The following RTN4RL1 variants were observed in gnomAD, a reference collection of about 807,000 sequenced individuals.
The protein encoded by RTN4RL1 is reticulon-4 receptor-like 1.
In RTN4RL1, 7 loss-of-function variants were observed where a neutral mutation model predicts 25.6. The observed-to-expected ratio is 0.27, with a 90% CI of 0.16 to 0.51. The LOEUF (loss-of-function observed/expected upper bound fraction) is 0.51, where lower values mean the gene tolerates loss of function less well. Ranked by LOEUF, RTN4RL1 falls within the 20% of genes least tolerant of loss-of-function variation. The probability of loss-of-function intolerance (pLI) is 0.97; values close to 1 mark genes in which losing one functional copy is unlikely to be tolerated. For synonymous variants in RTN4RL1, 297 were observed against 288.2 expected, an observed-to-expected ratio of 1.03 and a Z score of -0.31; for missense variants, 500 against 615.6, an observed-to-expected ratio of 0.81 and a Z score of 1.99.
chr17:2,014,987 A>G (rs2067101717), intron 1 of RTN4RL1, among the ~76,000 whole-genome samples: 2 of 152,156 alleles, frequency 1.3e-5, no homozygotes, highest in African/African-American at 4.8e-5. Flanking sequence ...GAAAAAGGGA[A>G]TCGCTGAAGG....
At chr17:2,010,977 C>A (rs753006819) in intron 1 of RTN4RL1, among the ~76,000 whole-genome samples, 1 of 152,156 alleles carries the variant, frequency 6.6e-6, no homozygotes, top group Admixed American at 6.5e-5. Flanking sequence ...GTCGGCCGGG[C>A]GCGGTAGCTC....
chr17:1,946,173 T>C (rs1329889547), intron 1 of RTN4RL1, among the ~76,000 whole-genome samples: 4 of 152,204 alleles, frequency 2.6e-5, no homozygotes, highest in Admixed American at 2.6e-4. Flanking sequence ...TGTGTGGGAC[T>C]TTCAGTGCTA....
At chr17:2,020,888 A>G (rs1380819350) in intron 1 of RTN4RL1, among the ~76,000 whole-genome samples, 1 of 152,236 alleles carries the variant, frequency 6.6e-6, no homozygotes, top group East Asian at 1.9e-4. Context: ...CCTTAAGTAG[A>G]GGCCACTTCT....
chr17:1,992,487 A>G (rs2066913850), intron 1 of RTN4RL1, among the ~76,000 whole-genome samples: 1 of 152,230 alleles, frequency 6.6e-6, no homozygotes, highest in Non-Finnish European at 1.5e-5. Context: ...AGTTGGGGCT[A>G]AGAGCATGTA....
chr17:1,982,316 G>A (rs1397032800), intron 1 of RTN4RL1, among the ~76,000 whole-genome samples: 1 of 142,744 alleles, frequency 7.0e-6, no homozygotes, highest in Non-Finnish European at 1.5e-5. Context: ...GAAAAGAGAA[G>A]AGAAGAGAAG....
At chr17:1,945,318 G>T (rs932206815) in intron 1 of RTN4RL1, among the ~76,000 whole-genome samples, 1 of 152,150 alleles carries the variant, frequency 6.6e-6, no homozygotes, top group Non-Finnish European at 1.5e-5. Flanking sequence ...CACCTCCCGG[G>T]TTCAAGCGAT....
intron 1 of RTN4RL1, among the ~76,000 whole-genome samples, chr17:1,980,230 ATTT>A (rs34130716): frequency 4.7e-5 from 6 of 126,388 alleles, no homozygotes; most frequent in Non-Finnish European, 6.5e-5. Context: ...CGCTCAGCTA[ATTT>A]TTTTTTTTTT....
At chr17:1,964,788 C>CTTTTTTTTTTTTTTTT (rs34138766) in intron 1 of RTN4RL1, among the ~76,000 whole-genome samples, 1 of 124,714 alleles carries the variant, frequency 8.0e-6, no homozygotes, top group African/African-American at 3.0e-5. Flanking sequence ...CTTTTCTTTT[C>CTTTTTTTTTTTTTTTT]TTTTTTTTTT....
chr17:2,016,602 G>T (rs1189092277), intron 1 of RTN4RL1, among the ~76,000 whole-genome samples: 1 of 152,256 alleles, frequency 6.6e-6, no homozygotes, highest in Non-Finnish European at 1.5e-5. Context: ...CAAAGCCAGG[G>T]TTGCATACAG....
At chr17:2,007,659 G>A (rs1421393112) in intron 1 of RTN4RL1, among the ~76,000 whole-genome samples, 1 of 152,190 alleles carries the variant, frequency 6.6e-6, no homozygotes, top group East Asian at 1.9e-4. Flanking sequence ...TTAAAACTGA[G>A]GCTTGGCTGG....
intron 1 of RTN4RL1, among the ~76,000 whole-genome samples, chr17:1,942,964 A>G (rs1442198774): frequency 1.3e-5 from 2 of 152,200 alleles, no homozygotes; most frequent in African/African-American, 4.8e-5. Flanking sequence ...ACCTCAGCTC[A>G]GCTGGGCTGG....
intron 1 of RTN4RL1, among the ~76,000 whole-genome samples, chr17:1,985,394 G>A (rs964563182): frequency 4.6e-5 from 7 of 152,148 alleles, no homozygotes; most frequent in East Asian, 1.9e-4. Flanking sequence ...CTCGCAAGCC[G>A]CCTGGCAGAT....
intron 1 of RTN4RL1, among the ~76,000 whole-genome samples, chr17:2,009,742 G>A (rs1188615357): frequency 7.8e-6 from 1 of 127,710 alleles, no homozygotes; most frequent in Non-Finnish European, 1.6e-5. Context: ...CCTCCTGCCC[G>A]CTGCCATAGC....
At chr17:2,012,492 T>G (rs377684899) in intron 1 of RTN4RL1, among the ~76,000 whole-genome samples, 1 of 152,026 alleles carries the variant, frequency 6.6e-6, no homozygotes, top group Non-Finnish European at 1.5e-5. Flanking sequence ...AAGTGCGTGG[T>G]GTAGGACTCT....
At chr17:1,950,327 G>T (rs527487928) in intron 1 of RTN4RL1, among the ~76,000 whole-genome samples, 9 of 152,246 alleles carry the variant, frequency 5.9e-5, no homozygotes, top group African/African-American at 2.2e-4. Flanking sequence ...GTCACGGGGC[G>T]GCTTCCCAAG....
chr17:1,989,530 G>A (rs1007572024), intron 1 of RTN4RL1, among the ~76,000 whole-genome samples: 3 of 152,066 alleles, frequency 2.0e-5, no homozygotes, highest in African/African-American at 7.2e-5. Context: ...CACACTGGCT[G>A]AGAACAGAAA....
chr17:1,970,659 C>T (rs2066814772), intron 1 of RTN4RL1, among the ~76,000 whole-genome samples: 1 of 152,140 alleles, frequency 6.6e-6, no homozygotes, highest in Non-Finnish European at 1.5e-5. Flanking sequence ...GGGTGCCTGT[C>T]CGAGTCAGTG....
At chr17:1,982,790 T>A (rs2066873170) in intron 1 of RTN4RL1, among the ~76,000 whole-genome samples, 1 of 152,106 alleles carries the variant, frequency 6.6e-6, no homozygotes, top group Non-Finnish European at 1.5e-5. Context: ...GTGAGGAAAG[T>A]TCGACAACTT....
chr17:1,989,315 C>A (rs1207996206), intron 1 of RTN4RL1, among the ~76,000 whole-genome samples: 3 of 151,136 alleles, frequency 2.0e-5, no homozygotes, highest in African/African-American at 7.3e-5. Flanking sequence ...TTGGACACTT[C>A]TATTAATGTG....
Sources: allele counts gnomAD v4.1 joint callset (sites outside exome capture counted in the v4.1 genomes callset), GRCh38; gene constraint gnomAD v4.1.1; transcripts MANE v1.5; gene names NCBI Gene and HGNC (gene_info 2026-07-23, HGNC 2026-07-21).